HNRNPA3: variants seen among roughly 807,000 people sequenced by gnomAD.
The protein encoded by HNRNPA3 is heterogeneous nuclear ribonucleoprotein A3.
HNRNPA3 carries 3 observed loss-of-function variants against 45.8 expected under a neutral mutation model. That is an observed-to-expected ratio of 0.07 (90% CI 0.03 to 0.17). The LOEUF (loss-of-function observed/expected upper bound fraction) is 0.17, where lower values mean the gene tolerates loss of function less well. HNRNPA3 is among the 10% of genes least tolerant of loss of function. The pLI, the probability that HNRNPA3 is intolerant of heterozygous loss-of-function variation, is 1.00. For missense variants in HNRNPA3, 183 were observed against 480.3 expected (o/e 0.38, Z 5.79); for synonymous variants, 170 against 155.6 (o/e 1.09, Z -0.69).
exon 6 of HNRNPA3, chr2:177,216,770 A>G: frequency 6.2e-7 from 1 of 1,614,154 alleles, no homozygotes; most frequent in Non-Finnish European, 8.5e-7. Flanking sequence ...TTGGTGGAAG[A>G]GGTAGGCTGT....
Position 177,215,427 on chromosome 2 carries a change from C to CTGTCACAGGAATTTGA in HNRNPA3, c.73-108_73-93dup, listed in dbSNP as rs1350239168. Reference sequence around the variant, plus strand: ...AAGTTTTAACTGGACAAAGTGTTAACTGTCACAGGAATTTGATGTTGATTT... The same window carrying CTGTCACAGGAATTTGA: ...AAGTTTTAACTGGACAAAGTGTTAACTGTCACAGGAATTTGATGTCACAGGAATTTGATGTTGATTT... On this transcript the variant is annotated intron_variant, in intron 1 of 10. Coordinates refer to ENST00000392524, the Ensembl canonical transcript of HNRNPA3. The CTGTCACAGGAATTTGA allele has an allele frequency of 7.2e-6, 8 of 1,109,654 alleles. No individual in the cohort carries two copies. The East Asian group carries it at 1.9e-4, about 26-fold the overall frequency. The allele number at this position is 1,109,654 out of a possible 1,614,324, so 68.7% of individuals were successfully genotyped here.
exon 11 of HNRNPA3, chr2:177,219,855 G>C (rs1337292378): frequency 2.0e-5 from 3 of 152,658 alleles, no homozygotes; most frequent in Non-Finnish European, 4.4e-5. Context: ...GTTTCCTTGT[G>C]AGTTAACAAG....
At chr2:177,214,663 C>G (rs930666506) in intron 1 of HNRNPA3, among the ~76,000 whole-genome samples, 3 of 152,126 alleles carry the variant, frequency 2.0e-5, no homozygotes, top group Admixed American at 6.5e-5. Flanking sequence ...GGCGCGGTGG[C>G]GGGCGCCCGT....
downstream of HNRNPA3, chr2:177,222,502 C>T (rs1689224910): frequency 6.6e-6 from 1 of 152,188 alleles, no homozygotes; most frequent in South Asian, 2.1e-4. Flanking sequence ...AAAACACCTT[C>T]AAAGGAACAT....
chr2:177,216,340 C>T (rs1688933592), intron 4 of HNRNPA3, 152 bp downstream of exon 4: 2 of 729,288 alleles, frequency 2.7e-6, no homozygotes, highest in East Asian at 5.4e-5. Flanking sequence ...AATCAGTATC[C>T]AGATCAAGAA....
In HNRNPA3 at chr2:177,212,877, AG is replaced by A; in HGVS notation, c.72+11del. ...GTCGCCGCCGGGGGGAGGAGGTATT[AG>A]GGGGAGAGCGGGGGGTTGGTGGGGA... On this transcript the variant is annotated splice_region_variant and intron_variant, in intron 1 of 10. Transcript: ENST00000392524. 2 of 1,458,930 alleles carry A rather than the reference AG, an allele frequency of 1.4e-6. No homozygotes were observed. The highest frequency in any genetic ancestry group is 1.8e-6 in the Non-Finnish European group (2 of 1,082,802). The allele number at this position is 1,458,930 out of a possible 1,614,324, so 90.4% of individuals were successfully genotyped here.
At chr2:177,215,482 G>A (rs1275964091) in intron 1 of HNRNPA3, 57 bp from the exon 2 acceptor site, 1 of 1,545,724 alleles carries the variant, frequency 6.5e-7, no homozygotes, top group Non-Finnish European at 8.9e-7. Context: ...AAGGCTCTTC[G>A]TGCATCTTAA....
At chr2:177,221,097 C>T (rs1689170637), downstream of HNRNPA3, 1 of 152,652 alleles carries the variant, frequency 6.6e-6, no homozygotes, top group African/African-American at 2.4e-5. Flanking sequence ...TTGGTCTTCA[C>T]ACATACTGCA....
At chr2:177,213,812 GA>G (rs920442061) in intron 1 of HNRNPA3, among the ~76,000 whole-genome samples, 5 of 152,174 alleles carry the variant, frequency 3.3e-5, no homozygotes, top group African/African-American at 1.2e-4. Context: ...TAGTTTCCTG[GA>G]ATTTTATTTA....
rs142253645 is a variant in HNRNPA3 at position 177,219,199 on chromosome 2, A to G, written c.1084+40A>G. On this transcript the variant is annotated intron_variant, in intron 9 of 10. Transcript: ENST00000392524. ...AAATCAATTCTTTAGAGCCTTTTTA[A>G]TTTAAAAAATGTGCATACTTCTTTT... 5.0e-4 allele frequency: 800 copies of G among 1,610,272 alleles called. 2 individuals are homozygous for G. In the African/African-American group the frequency reaches 9.4e-3, roughly 19 times the overall value.
intron 1 of HNRNPA3, among the ~76,000 whole-genome samples, chr2:177,213,622 C>T (rs1008470017): frequency 6.6e-6 from 1 of 152,188 alleles, no homozygotes; most frequent in Non-Finnish European, 1.5e-5. Flanking sequence ...GCCATGTGGG[C>T]GAAGGACTTA....
intron 8 of HNRNPA3, among the ~76,000 whole-genome samples, chr2:177,218,273 A>G (rs1234213287): frequency 6.6e-6 from 1 of 152,074 alleles, no homozygotes; most frequent in East Asian, 1.9e-4. Flanking sequence ...CATGTTAGCC[A>G]GGATGGTCTC....
rs1688905957 is a variant in HNRNPA3 at position 177,215,674 on chromosome 2, GAGAAC to G, written c.195+18_195+22del. On this transcript the variant is annotated intron_variant, in intron 2 of 10. Transcript: ENST00000392524. ...CACAGATTGTGTGGTAAGTTACTAA[GAGAAC>G]AGAAGGGTTCTAAGGGGTGTAGAGA... 5 of 1,613,804 alleles carry G rather than the reference GAGAAC, an allele frequency of 3.1e-6. No homozygotes were observed. Among genetic ancestry groups the G allele is most frequent in the Non-Finnish European group, 4.2e-6 (5 of 1,179,852 alleles).
In HNRNPA3 at chr2:177,215,390, G is replaced by A. The variant is rs577043421; in HGVS notation, c.73-149G>A. 5.9e-4 allele frequency: 466 copies of A among 786,500 alleles called. 1 individual carries two copies. In the African/African-American group the frequency reaches 6.9e-3, roughly 12 times the overall value. The allele number at this position is 786,500 out of a possible 1,614,324, so 48.7% of individuals were successfully genotyped here. On this transcript the variant is annotated intron_variant, in intron 1 of 10. Coordinates refer to ENST00000392524, the Ensembl canonical transcript of HNRNPA3. ...GATTACAGGCATGAGACATCGCGCC[G>A]GTGTCTGGTCAAAGTTTTAACTGGA...
At chr2:177,215,512 CTT>C in intron 1 of HNRNPA3, 25 bp from the exon 2 acceptor site, 2 of 1,611,990 alleles carry the variant, frequency 1.2e-6, no homozygotes, top group Non-Finnish European at 1.7e-6. Flanking sequence ...TGTAAGGTAA[CTT>C]AAGAGTATTG....
chr2:177,218,265 T>C lies in HNRNPA3; in HGVS notation c.961+420T>C, dbSNP rs1558970747. Among the ~76,000 whole-genome samples the C allele has an allele frequency of 2.0e-5, 3 of 152,222 alleles. No individual in the cohort carries two copies. In the South Asian group the frequency reaches 6.2e-4, roughly 32 times the overall value. On this transcript the variant is annotated intron_variant, in intron 8 of 10. Transcript: ENST00000392524. ...TTTTAGTAGAGATGGGGTTTCACCATGTTAGCCAGGATGGTCTCGATCTCC... is the reference window on the plus strand; with the variant it reads ...TTTTAGTAGAGATGGGGTTTCACCACGTTAGCCAGGATGGTCTCGATCTCC...
rs747328792 is a variant in HNRNPA3 at position 177,215,735 on chromosome 2, C to CT, written c.196-10dup. ...TGGAGGTGTTTTCAACGTTATAAAA[C>CT]TTTTTATTTTGTAGGTAATGAGAGA... On this transcript the variant is annotated splice_polypyrimidine_tract_variant and intron_variant, in intron 2 of 10. Coordinates refer to ENST00000392524, the Ensembl canonical transcript of HNRNPA3. The CT allele has an allele frequency of 6.2e-7, 1 of 1,610,506 alleles. No individual in the cohort carries two copies. The highest frequency in any genetic ancestry group is 1.3e-5 in the African/African-American group (1 of 74,640).
rs1688953685 is a variant in HNRNPA3 at position 177,216,668 on chromosome 2, T to C, written c.644-8T>C. Reference sequence around the variant, plus strand: ...GGTTCTTAAAAATCTCCCTTGCCTGTATTAAAGGTCGTGGAGGTGGATCTG... The same window carrying C: ...GGTTCTTAAAAATCTCCCTTGCCTGCATTAAAGGTCGTGGAGGTGGATCTG... On this transcript the variant is annotated splice_polypyrimidine_tract_variant and splice_region_variant and intron_variant, in intron 5 of 10. Coordinates refer to ENST00000392524, the Ensembl canonical transcript of HNRNPA3. 3 of 1,614,044 alleles carry C rather than the reference T, an allele frequency of 1.9e-6. No individual in the cohort carries two copies. The highest frequency in any genetic ancestry group is 2.7e-5 in the African/African-American group (2 of 75,014).
At chr2:177,217,888 T>TCCCA (rs768550316) in intron 8 of HNRNPA3, 43 bp downstream of exon 8, 1 of 1,483,812 alleles carries the variant, frequency 6.7e-7, no homozygotes, top group Non-Finnish European at 9.0e-7. Flanking sequence ...ATATTCAGTG[T>TCCCA]TGCTAACAGT....
Sources: gnomAD v4.1 joint callset for allele counts (sites outside exome capture counted in the v4.1 genomes callset) on GRCh38, gnomAD v4.1.1 for gene constraint, MANE v1.5 for transcripts, NCBI Gene and HGNC (gene_info 2026-07-23, HGNC 2026-07-21) for gene names.